Variants in KCNQ1 observed in about 807,000 individuals in gnomAD.
KCNQ1 encodes the protein potassium voltage-gated channel subfamily KQT member 1.
Under a neutral mutation model 72.4 loss-of-function variants are expected in KCNQ1, and 49 were observed. That is an observed-to-expected ratio of 0.68 (90% CI 0.54 to 0.86). KCNQ1 has a LOEUF of 0.86. KCNQ1 is among the 40% of genes least tolerant of loss of function. The probability of loss-of-function intolerance (pLI) is 0.00; values close to 1 mark genes in which losing one functional copy is unlikely to be tolerated. For missense variants in KCNQ1, 790 were observed against 945.1 expected (o/e 0.84, Z 2.15); for synonymous variants, 450 against 412.6 (o/e 1.09, Z -1.10).
intron 10 of KCNQ1, chr11:2,632,100 G>A (rs1168950605): frequency 1.5e-5 from 6 of 392,542 alleles, no homozygotes; most frequent in Admixed American, 4.5e-5. Flanking sequence ...GGAGAATGGC[G>A]TGAACTCGGG....
At chr11:2,467,656 G>A (rs894952033) in intron 1 of KCNQ1, among the ~76,000 whole-genome samples, 1 of 152,198 alleles carries the variant, frequency 6.6e-6, no homozygotes, top group Non-Finnish European at 1.5e-5. Context: ...GCTGCCCACC[G>A]GGCCTGGCCC....
rs566032790 is a variant in KCNQ1 at position 2,451,155 on chromosome 11, C to T, written c.386+5671C>T. 6.6e-6 allele frequency among the ~76,000 whole-genome samples: 1 copy of T among 152,236 alleles called. No individual in the cohort carries two copies. Among genetic ancestry groups the T allele is most frequent in the Non-Finnish European group, 1.5e-5 (1 of 68,018 alleles). ...TCCCCGTAGAGCAGCAGTCCCCAAC[C>T]TTTTTAGTACCAGAGACCTGTTTTA... On this transcript the variant is annotated intron_variant, in intron 1 of 15. Coordinates refer to ENST00000155840, the MANE Select transcript of KCNQ1 (RefSeq NM_000218.3). The surrounding 1 kb of genome is among the most constrained non-coding windows in gnomAD (Gnocchi z 6.4).
Position 2,528,944 on chromosome 11 carries a change from C to T in KCNQ1, c.477+926C>T, listed in dbSNP as rs531065052. ...CCGTTTTACCTTTCCTTTGTTGCTT[C>T]TGGACCTTGAGCCATAGCTGGAAGA... On this transcript the variant is annotated intron_variant, in intron 2 of 15. Transcript: ENST00000155840. 8.5e-5 allele frequency among the ~76,000 whole-genome samples: 13 copies of T among 152,302 alleles called. No homozygotes were observed. The South Asian group carries it at 2.7e-3, about 32-fold the overall frequency.
intron 11 of KCNQ1, chr11:2,684,589 ACTGT>A (rs1850452924): frequency 5.0e-6 from 2 of 398,638 alleles, no homozygotes; most frequent in East Asian, 3.6e-5. Flanking sequence ...GAGGAGAGTG[ACTGT>A]CCTTTGTCTG....
intron 11 of KCNQ1, chr11:2,697,192 T>G: frequency 2.5e-6 from 1 of 398,608 alleles, no homozygotes; most frequent in Non-Finnish European, 4.4e-6. Flanking sequence ...CATTTCTTAG[T>G]TTTAACTTCT....
chr11:2,744,526 A>G (rs1259930621), intron 11 of KCNQ1, among the ~76,000 whole-genome samples: 1 of 151,940 alleles, frequency 6.6e-6, no homozygotes, highest in African/African-American at 2.4e-5. Flanking sequence ...GCGTTCCCTC[A>G]CTCTCTCATT....
Position 2,659,525 on chromosome 11 carries a change from G to A in KCNQ1, c.1394-2436G>A, listed in dbSNP as rs1245573346. ...TCACCTGTTGAAGGACATCTTCATTGTTTCCAGTATTTGGTAATTATGAGC... is the reference window on the plus strand; with the variant it reads ...TCACCTGTTGAAGGACATCTTCATTATTTCCAGTATTTGGTAATTATGAGC... On this transcript the variant is annotated intron_variant, in intron 10 of 15. Coordinates refer to ENST00000155840, the MANE Select transcript of KCNQ1 (RefSeq NM_000218.3). This position sits in a 1 kb window ranked among gnomAD's most constrained non-coding sequence, Gnocchi z 4.3. 1 of 398,464 alleles carries A rather than the reference G, an allele frequency of 2.5e-6. No homozygotes were observed. Among genetic ancestry groups the A allele is most frequent in the Non-Finnish European group, 4.4e-6 (1 of 226,006 alleles). The allele number at this position is 398,464 out of a possible 1,614,324, so 24.7% of individuals were successfully genotyped here.
chr11:2,525,403 C>T (rs751136452), intron 1 of KCNQ1, among the ~76,000 whole-genome samples: 4 of 152,314 alleles, frequency 2.6e-5, no homozygotes, highest in Non-Finnish European at 2.9e-5. Flanking sequence ...GCATCCACCG[C>T]GTGCTAGCGC....
chr11:2,742,529 C>A (rs1846073077), intron 11 of KCNQ1, among the ~76,000 whole-genome samples: 7 of 152,100 alleles, frequency 4.6e-5, no homozygotes. Flanking sequence ...GCCCTGGGCT[C>A]CCCCCGGCCC....
chr11:2,506,201 T>A (rs1189425061), intron 1 of KCNQ1, among the ~76,000 whole-genome samples: 3 of 152,250 alleles, frequency 2.0e-5, no homozygotes, highest in Non-Finnish European at 4.4e-5. Flanking sequence ...GCTTTAGGTC[T>A]TACATTTATA....
chr11:2,754,197 C>T (rs527863772), intron 11 of KCNQ1, among the ~76,000 whole-genome samples: 25 of 152,272 alleles, frequency 1.6e-4, no homozygotes, highest in African/African-American at 5.5e-4. Flanking sequence ...ACTGCCAGAG[C>T]GAGGCTAGCC....
Position 2,682,692 on chromosome 11 carries a change from A to C in KCNQ1, c.1514+20611A>C, listed in dbSNP as rs1195647916. ...CTATTGTCCATAGAAGCTGGGGTCC[A>C]AAGTTGACCAGAATATCTCTAGTCA... On this transcript the variant is annotated intron_variant, in intron 11 of 15. Coordinates refer to ENST00000155840, the MANE Select transcript of KCNQ1 (RefSeq NM_000218.3). The surrounding 1 kb of genome is among the most constrained non-coding windows in gnomAD (Gnocchi z 5.8). The C allele has an allele frequency of 5.0e-6, 2 of 398,480 alleles. No homozygotes were observed. Among genetic ancestry groups the C allele is most frequent in the Non-Finnish European group, 8.8e-6 (2 of 226,072 alleles). 24.7% of individuals were successfully genotyped at this position (398,480 alleles called of 1,614,324 possible).
chr11:2,585,168 C>T (rs779448694), intron 7 of KCNQ1, 44 bp from the exon 8 acceptor site: 4 of 1,533,624 alleles, frequency 2.6e-6, no homozygotes, highest in Admixed American at 1.7e-5. Flanking sequence ...ACCCAGCTGG[C>T]AGTGGCCTGT....
chr11:2,628,499 T>C, intron 10 of KCNQ1: 1 of 398,446 alleles, frequency 2.5e-6, no homozygotes, highest in Non-Finnish European at 4.4e-6. Flanking sequence ...GTTATTAAGT[T>C]TTTTTGCTAG....
chr11:2,785,677 AT>A lies in KCNQ1; in HGVS notation c.1794+7644del, dbSNP rs1846897337. On this transcript the variant is annotated intron_variant, in intron 15 of 15. Transcript: ENST00000155840. This position sits in a 1 kb window ranked among gnomAD's most constrained non-coding sequence, Gnocchi z 4.4. ...GATTTGGATTGAATTCTAGCAGTGT[AT>A]TTTGTGCTTTCCACTTGTACTAAAT... Among the ~76,000 whole-genome samples the A allele has an allele frequency of 2.0e-5, 3 of 151,838 alleles. No homozygotes were observed.
intron 10 of KCNQ1, among the ~76,000 whole-genome samples, chr11:2,606,677 A>G (rs1216478805): frequency 1.2e-4 from 19 of 152,124 alleles, no homozygotes; most frequent in Admixed American, 1.2e-3. Flanking sequence ...GTGTTCCTTT[A>G]TAGTAACACA....
chr11:2,648,677 G>GT (rs1190247400), intron 10 of KCNQ1: 1 of 398,438 alleles, frequency 2.5e-6, no homozygotes, highest in East Asian at 3.6e-5. Flanking sequence ...ATTGAGACCC[G>GT]TTTTGTGTCC....
intron 15 of KCNQ1, among the ~76,000 whole-genome samples, chr11:2,837,513 C>T (rs141948097): frequency 1.7e-4 from 26 of 152,370 alleles, no homozygotes; most frequent in Middle Eastern, 6.8e-3. Flanking sequence ...GGTCTCCCAG[C>T]GAGCAAGAGG....
Position 2,723,448 on chromosome 11 carries a change from G to C in KCNQ1, c.1515-45396G>C, listed in dbSNP as rs1486426964. 6.6e-6 allele frequency among the ~76,000 whole-genome samples: 1 copy of C among 152,242 alleles called. No individual in the cohort carries two copies. The highest frequency in any genetic ancestry group is 1.5e-5 in the Non-Finnish European group (1 of 68,040). On this transcript the variant is annotated intron_variant, in intron 11 of 15. Coordinates refer to ENST00000155840, the MANE Select transcript of KCNQ1 (RefSeq NM_000218.3). This position sits in a 1 kb window ranked among gnomAD's most constrained non-coding sequence, Gnocchi z 4.2. ...ATGGGCAGGGAGAGAGGAGCTGTTAGGTGAGACCAGGTGGTACTTGGCAGC... is the reference window on the plus strand; with the variant it reads ...ATGGGCAGGGAGAGAGGAGCTGTTACGTGAGACCAGGTGGTACTTGGCAGC...
Sources: allele counts gnomAD v4.1 joint callset (sites outside exome capture counted in the v4.1 genomes callset), GRCh38; gene constraint gnomAD v4.1.1; non-coding constraint Gnocchi (gnomAD v3.1); transcripts MANE v1.5; gene names NCBI Gene and HGNC (gene_info 2026-07-23, HGNC 2026-07-21).